The following GNG7 variants were observed in gnomAD, a reference collection of about 807,000 sequenced individuals.
The protein encoded by GNG7 is G protein subunit gamma 7.
Under a neutral mutation model 4.0 loss-of-function variants are expected in GNG7, and 1 was observed. The ratio of observed to expected loss-of-function variants is 0.25; its 90% confidence interval spans 0.09 to 1.18. The LOEUF (loss-of-function observed/expected upper bound fraction) is 1.18. GNG7 is among the 50% of genes most tolerant of loss of function. The probability of loss-of-function intolerance (pLI) is 0.50; values close to 1 mark genes in which losing one functional copy is unlikely to be tolerated. For missense variants in GNG7, 86 were observed against 91.9 expected, an observed-to-expected ratio of 0.94 and a Z score of 0.26; for synonymous variants, 34 against 36.9, an observed-to-expected ratio of 0.92 and a Z score of 0.29.
chr19:2,647,694 G>A (rs771040915), intron 1 of GNG7, among the ~76,000 whole-genome samples: 7 of 152,024 alleles, frequency 4.6e-5, no homozygotes, highest in Non-Finnish European at 8.8e-5. Flanking sequence ...CTCCAGCCTA[G>A]GCAACAGAGT....
intron 2 of GNG7, 102 bp from the exon 3 acceptor site, chr19:2,555,290 G>GGGGGAA (rs376016712): frequency 1.3e-5 from 2 of 152,198 alleles, no homozygotes; most frequent in African/African-American, 4.8e-5. Flanking sequence ...GAACGACGTT[G>GGGGGAA]CTGTCCCCAA....
chr19:2,626,095 T>A lies in GNG7; in HGVS notation c.-78+20129A>T, dbSNP rs1326239890. 6.6e-6 allele frequency among the ~76,000 whole-genome samples: 1 copy of A among 152,116 alleles called. No individual in the cohort carries two copies. The highest frequency in any genetic ancestry group is 2.4e-5 in the African/African-American group (1 of 41,414). ...GAGCCATGGCGCCCGGCCTGATTATTTCATTTACTCCCTGCAGCAACCCTG... is the reference window on the plus strand; with the variant it reads ...GAGCCATGGCGCCCGGCCTGATTATATCATTTACTCCCTGCAGCAACCCTG... On this transcript the variant is annotated intron_variant, in intron 2 of 4. Transcript: ENST00000382159. This position sits in a 1 kb window ranked among gnomAD's most constrained non-coding sequence, Gnocchi z 5.0.
chr19:2,697,101 A>G (rs1913285542), intron 1 of GNG7, among the ~76,000 whole-genome samples: 1 of 152,202 alleles, frequency 6.6e-6, no homozygotes, highest in South Asian at 2.1e-4. Flanking sequence ...TCGGCCTCCC[A>G]AAATGCTGGG....
At chr19:2,534,701 G>A (rs1978684731) in intron 3 of GNG7, among the ~76,000 whole-genome samples, 1 of 152,210 alleles carries the variant, frequency 6.6e-6, no homozygotes, top group Non-Finnish European at 1.5e-5. Context: ...TATGGAGGCT[G>A]AGAAGCCATA....
Position 2,557,237 on chromosome 19 carries a change from G to GCACATGTGCACA in GNG7, c.-77-2061_-77-2050dup, listed in dbSNP as rs1347848188. On this transcript the variant is annotated intron_variant, in intron 2 of 4. Coordinates refer to ENST00000382159, the MANE Select transcript of GNG7 (RefSeq NM_052847.3). The surrounding 1 kb of genome is among the most constrained non-coding windows in gnomAD (Gnocchi z 5.1). ...CACAGACACACATGCACACACAGAC[G>GCACATGTGCACA]CACATGTGCACACACACGTGCACAC... Among the ~76,000 whole-genome samples, 1 of 147,328 alleles carries GCACATGTGCACA rather than the reference G, an allele frequency of 6.8e-6. No individual in the cohort carries two copies. The highest frequency in any genetic ancestry group is 1.5e-5 in the Non-Finnish European group (1 of 67,112).
At chr19:2,584,176 T>C (rs867653786) in intron 2 of GNG7, among the ~76,000 whole-genome samples, 9 of 151,726 alleles carry the variant, frequency 5.9e-5, no homozygotes, top group Non-Finnish European at 7.4e-5. Context: ...GTGCCAGTGG[T>C]TCATGCCTAT....
Position 2,551,589 on chromosome 19 carries a change from G to GTATATATAAATATATAAA in GNG7, c.-38+3559_-38+3560insTTTATATATTTATATATA, listed in dbSNP as rs1421883737. Among the ~76,000 whole-genome samples the GTATATATAAATATATAAA allele has an allele frequency of 5.5e-5, 8 of 145,754 alleles. 2 individuals carry two copies. Among genetic ancestry groups the GTATATATAAATATATAAA allele is most frequent in the African/African-American group, 1.0e-4 (4 of 40,184 alleles). ...TCTATTATCTATAATATATAAATATGCATTTATAAATATATAAACAAATAT... is the reference window on the plus strand; with the variant it reads ...TCTATTATCTATAATATATAAATATGTATATATAAATATATAAACATTTATAAATATATAAACAAATAT... On this transcript the variant is annotated intron_variant, in intron 3 of 4. Transcript: ENST00000382159.
intron 1 of GNG7, among the ~76,000 whole-genome samples, chr19:2,651,489 C>T (rs1004265221): frequency 7.0e-6 from 1 of 143,148 alleles, no homozygotes; most frequent in Non-Finnish European, 1.5e-5. Context: ...CTCTCTTACT[C>T]TCTTTCTGTC....
chr19:2,574,875 C>T (rs1028334652), intron 2 of GNG7, among the ~76,000 whole-genome samples: 3 of 152,182 alleles, frequency 2.0e-5, no homozygotes, highest in African/African-American at 7.2e-5. Context: ...TTGTCCGAAA[C>T]CGCACTTGTT....
At position 2,651,555 on chromosome 19, in the gene GNG7, T is replaced by TTC. The variant is rs1023952463; in HGVS notation, c.-134-5277_-134-5276dup. On this transcript the variant is annotated intron_variant, in intron 1 of 4. Transcript: ENST00000382159. Reference sequence around the variant, plus strand: ...CTTTCTCTTTCTTTTCTCTCTCCCTTTCTCTCTCTCTCTCTCTCTCTTTTT... The same window carrying TTC: ...CTTTCTCTTTCTTTTCTCTCTCCCTTTCTCTCTCTCTCTCTCTCTCTCTTTTT... Among the ~76,000 whole-genome samples the TTC allele has an allele frequency of 4.6e-4, 65 of 140,846 alleles. 1 individual carries two copies. The Middle Eastern group carries it at 0.011, about 24-fold the overall frequency. The allele number at this position is 140,846 out of a possible 152,430, so 92.4% of individuals were successfully genotyped here. A position where few individuals can be genotyped will look rare whatever the true frequency, so the allele number is the denominator to read the frequency against.
chr19:2,538,214 T>C (rs759642618), intron 3 of GNG7: 4 of 456,556 alleles, frequency 8.8e-6, no homozygotes, highest in South Asian at 3.1e-5. Context: ...AAAGAGAACA[T>C]ACACGAGCAT....
At chr19:2,568,121 A>G (rs1979981857) in intron 2 of GNG7, among the ~76,000 whole-genome samples, 1 of 146,902 alleles carries the variant, frequency 6.8e-6, no homozygotes, top group African/African-American at 2.5e-5. Flanking sequence ...ACATACACAC[A>G]TATAGACATA....
At chr19:2,579,986 C>T (rs1980454825) in intron 2 of GNG7, among the ~76,000 whole-genome samples, 1 of 152,148 alleles carries the variant, frequency 6.6e-6, no homozygotes. Context: ...TGTCTCTCAG[C>T]TTGTGTCCTC....
intron 1 of GNG7, among the ~76,000 whole-genome samples, chr19:2,692,079 G>C (rs939128789): frequency 1.3e-5 from 2 of 152,144 alleles, no homozygotes; most frequent in African/African-American, 2.4e-5. Context: ...CTGGTCTCCA[G>C]AACCATGAGA....
intron 1 of GNG7, among the ~76,000 whole-genome samples, chr19:2,666,388 G>T (rs1412426107): frequency 6.6e-6 from 1 of 152,162 alleles, no homozygotes; most frequent in Non-Finnish European, 1.5e-5. Flanking sequence ...GGCCAGGCTG[G>T]TCTTAAACTC....
At chr19:2,642,847 C>T in intron 2 of GNG7, 2 of 456,794 alleles carry the variant, frequency 4.4e-6, no homozygotes, top group South Asian at 3.1e-5. Context: ...CCCCAGGAAG[C>T]ACCGGGAATG....
rs1568253368 is a variant in GNG7 at position 2,586,204 on chromosome 19, A to ATCACCC, written c.-77-31017_-77-31016insGGGTGA. Among the ~76,000 whole-genome samples the ATCACCC allele has an allele frequency of 3.4e-3, 522 of 152,302 alleles. 2 individuals carry two copies. Among genetic ancestry groups the ATCACCC allele is most frequent in the African/African-American group, 0.012 (515 of 41,562 alleles). On this transcript the variant is annotated intron_variant, in intron 2 of 4. Transcript: ENST00000382159. ...GTCTTGCAGCCGTCTTGATGGGGTG[A>ATCACCC]GATCGGGGAGGATCAAGAGCTCCCA...
At chr19:2,661,118 G>A (rs1983132537) in intron 1 of GNG7, among the ~76,000 whole-genome samples, 1 of 151,200 alleles carries the variant, frequency 6.6e-6, no homozygotes, top group African/African-American at 2.4e-5. Flanking sequence ...GGCTGAGACA[G>A]GAGAATTACT....
intron 2 of GNG7, among the ~76,000 whole-genome samples, chr19:2,600,857 T>C (rs1002291263): frequency 3.9e-5 from 6 of 152,098 alleles, no homozygotes; most frequent in Non-Finnish European, 8.8e-5. Context: ...GGACCACACT[T>C]TGAGAACTCC....
Sources: allele counts gnomAD v4.1 joint callset (sites outside exome capture counted in the v4.1 genomes callset), GRCh38; gene constraint gnomAD v4.1.1; non-coding constraint Gnocchi (gnomAD v3.1); transcripts MANE v1.5; gene names NCBI Gene and HGNC (gene_info 2026-07-23, HGNC 2026-07-21).